Variants in ASXL3 observed in about 807,000 individuals in gnomAD.
ASXL3 encodes the protein ASXL transcriptional regulator 3.
Under a neutral mutation model 170.6 loss-of-function variants are expected in ASXL3, and 34 were observed. That is an observed-to-expected ratio of 0.20 (90% CI 0.15 to 0.27). ASXL3 has a LOEUF of 0.27. ASXL3 is among the 10% of genes least tolerant of loss of function. The probability of loss-of-function intolerance (pLI) is 1.00; values close to 1 mark genes in which losing one functional copy is unlikely to be tolerated. For synonymous variants in ASXL3, 1,002 were observed against 989.1 expected (o/e 1.01, Z -0.24); for missense variants, 2,592 against 2,695.3 (o/e 0.96, Z 0.85).
intron 2 of ASXL3, among the ~76,000 whole-genome samples, chr18:33,611,548 A>G (rs1221207352): frequency 2.0e-5 from 3 of 152,030 alleles, no homozygotes; most frequent in African/African-American, 4.8e-5. Context: ...GGCTTTTCAG[A>G]TGATTGGAAT....
In ASXL3 at chr18:33,744,113, C is replaced by A. The variant is rs532519039; in HGVS notation, c.4265C>A (p.Thr1422Lys). 27 of 1,614,020 alleles carry A rather than the reference C, an allele frequency of 1.7e-5. No homozygotes were observed. The East Asian group carries it at 6.0e-4, about 36-fold the overall frequency. The change falls in exon 12 of 12, where the codon ACA (threonine) becomes AAA (lysine). Residue 1422 changes from threonine to lysine, a missense_variant. By Grantham distance (78) the Thr-to-Lys change is moderately conservative. Around this residue, in one of 4 missense-constraint regions of ASXL3, gnomAD observed 2,246 missense variants for 2,219.6 expected, o/e 1.01. Transcript: ENST00000269197. ...GCAATGTTTACTGGAAACATGCTGA[C>A]AATAAACTCTTATGATAGTCCTCCC... ...TVAMFTGNML[T>K]INSYDSPPKL... is the part of the protein sequence containing the mutation.
chr18:33,645,734 A>G (rs2065905651), intron 3 of ASXL3, among the ~76,000 whole-genome samples: 1 of 143,558 alleles, frequency 7.0e-6, no homozygotes, highest in South Asian at 2.3e-4. Context: ...TTATATTTAA[A>G]GTTCATTAAC....
At chr18:33,648,849 C>T (rs2065954652) in intron 4 of ASXL3, among the ~76,000 whole-genome samples, 1 of 152,186 alleles carries the variant, frequency 6.6e-6, no homozygotes, top group South Asian at 2.1e-4. Flanking sequence ...GGTGAAGTGA[C>T]TCAAATGTGT....
Position 33,748,406 on chromosome 18 carries a change from A to G in ASXL3, c.*1811A>G, listed in dbSNP as rs148233888. ...TAACAAATTGCTGATAGTGAGAGGT[A>G]CTTTACTTTATCTTAGAAAGAAAGA... On this transcript the variant is annotated 3_prime_UTR_variant, in exon 12 of 12. Coordinates refer to ENST00000269197, the MANE Select transcript of ASXL3 (RefSeq NM_030632.3). 293 of 152,140 alleles carry G rather than the reference A, an allele frequency of 1.9e-3. No individual in the cohort carries two copies. The highest frequency in any genetic ancestry group is 6.3e-3 in the African/African-American group (260 of 41,536). 9.4% of individuals were successfully genotyped at this position (152,140 alleles called of 1,614,324 possible).
At chr18:33,664,615 G>T (rs2066228548) in intron 5 of ASXL3, among the ~76,000 whole-genome samples, 1 of 152,010 alleles carries the variant, frequency 6.6e-6, no homozygotes, top group African/African-American at 2.4e-5. Flanking sequence ...AATCATAAGT[G>T]GAGTAAAAAA....
intron 2 of ASXL3, among the ~76,000 whole-genome samples, chr18:33,635,049 G>C (rs759725884): frequency 6.6e-6 from 1 of 152,178 alleles, no homozygotes; most frequent in Admixed American, 6.5e-5. Context: ...AAATGAGTAG[G>C]AAGAGAGGAG....
At chr18:33,736,582 A>G (rs978848726) in intron 10 of ASXL3, among the ~76,000 whole-genome samples, 1 of 152,120 alleles carries the variant, frequency 6.6e-6, no homozygotes, top group Non-Finnish European at 1.5e-5. Context: ...GTGTCTAAAC[A>G]TTCATACTAG....
chr18:33,614,253 T>C (rs1230993365), intron 2 of ASXL3: 3 of 152,186 alleles, frequency 2.0e-5, no homozygotes, highest in African/African-American at 7.2e-5. Flanking sequence ...AATCATTTAT[T>C]TGTATTTCAA....
rs1021440559 is a variant in ASXL3 at position 33,748,499 on chromosome 18, T to C, written c.*1904T>C. The C allele has an allele frequency of 2.6e-5, 4 of 152,210 alleles. No individual in the cohort carries two copies. Among genetic ancestry groups the C allele is most frequent in the Non-Finnish European group, 5.9e-5 (4 of 68,032 alleles). 9.4% of individuals were successfully genotyped at this position (152,210 alleles called of 1,614,324 possible). ...GTCATTTCTGTTTTTCACAGTAAAA[T>C]TGGCAAAACTAATGACTGAGAAAGT... On this transcript the variant is annotated 3_prime_UTR_variant, in exon 12 of 12. Transcript: ENST00000269197.
chr18:33,715,731 A>G (rs943897707), intron 8 of ASXL3, among the ~76,000 whole-genome samples: 3 of 152,202 alleles, frequency 2.0e-5, no homozygotes, highest in African/African-American at 7.2e-5. Context: ...ATTTGCTTTT[A>G]TTACTTATGA....
At chr18:33,639,485 A>G (rs370551479) in intron 2 of ASXL3, among the ~76,000 whole-genome samples, 1 of 152,130 alleles carries the variant, frequency 6.6e-6, no homozygotes, top group Admixed American at 6.5e-5. Context: ...CATGTTCTTT[A>G]CTAGATGTCT....
chr18:33,747,403 G>A lies in ASXL3; in HGVS notation c.*808G>A, dbSNP rs1490875557. On this transcript the variant is annotated 3_prime_UTR_variant, in exon 12 of 12. Coordinates refer to ENST00000269197, the MANE Select transcript of ASXL3 (RefSeq NM_030632.3). ...TTAGAGCTTCATGTGTGGCTTTTAAGAGCAGGTTTGAAAAAAAAAAAAAAA... is the reference window on the plus strand; with the variant it reads ...TTAGAGCTTCATGTGTGGCTTTTAAAAGCAGGTTTGAAAAAAAAAAAAAAA... 2 of 143,590 alleles carry A rather than the reference G, an allele frequency of 1.4e-5. No individual in the cohort carries two copies. The highest frequency in any genetic ancestry group is 2.6e-5 in the African/African-American group (1 of 38,488). 8.9% of individuals were successfully genotyped at this position (143,590 alleles called of 1,614,324 possible). A position where few individuals can be genotyped will look rare whatever the true frequency, so the allele number is the denominator to read the frequency against.
chr18:33,581,472 A>AGAGTGTGTGTGT (rs1555715411), intron 1 of ASXL3, among the ~76,000 whole-genome samples: 3 of 145,206 alleles, frequency 2.1e-5, no homozygotes, highest in African/African-American at 7.6e-5. Flanking sequence ...TGCTGGAGTG[A>AGAGTGTGTGTGT]GTGTGTGTGT....
Position 33,744,271 on chromosome 18 carries a change from G to A in ASXL3, c.4423G>A (p.Val1475Ile), listed in dbSNP as rs771605317. The A allele has an allele frequency of 1.5e-5, 24 of 1,613,892 alleles. No homozygotes were observed. The highest frequency in any genetic ancestry group is 5.0e-5 in the Admixed American group (3 of 60,004). The change falls in exon 12 of 12, where the codon GTT becomes ATT. Residue 1475 changes from valine (V) to isoleucine (I), a missense_variant. By Grantham distance (29) the Val-to-Ile change is conservative (BLOSUM62 3). Coordinates refer to ENST00000269197, the MANE Select transcript of ASXL3 (RefSeq NM_030632.3). The stretch of plus-strand genomic sequence containing the variant: ...CCGATCAATTCCGTGTAAAGTCATC[G>A]TTGACCACAGCACCACGCTGACCTC... ...INRSIPCKVI[V>I]DHSTTLTSSL...
chr18:33,633,581 T>A (rs1363044248), intron 2 of ASXL3, among the ~76,000 whole-genome samples: 1 of 152,124 alleles, frequency 6.6e-6, no homozygotes, highest in Non-Finnish European at 1.5e-5. Flanking sequence ...CGGTGGCTCA[T>A]GCCTGTAATC....
chr18:33,630,861 AT>A (rs2065666658), intron 2 of ASXL3, among the ~76,000 whole-genome samples: 1 of 151,994 alleles, frequency 6.6e-6, no homozygotes, highest in African/African-American at 2.4e-5. Flanking sequence ...TCAACATGTA[AT>A]TTTTTTACAT....
intron 1 of ASXL3, among the ~76,000 whole-genome samples, chr18:33,588,871 A>T (rs1599372044): frequency 6.6e-6 from 1 of 152,052 alleles, no homozygotes; most frequent in Non-Finnish European, 1.5e-5. Context: ...CAGTAAAGCC[A>T]CCACCATTTC....
chr18:33,628,409 G>A lies in ASXL3; in HGVS notation c.138-16485G>A, dbSNP rs569157705. Among the ~76,000 whole-genome samples the A allele has an allele frequency of 2.0e-5, 3 of 152,064 alleles. No homozygotes were observed. The South Asian group carries it at 6.2e-4, about 32-fold the overall frequency. Reference sequence around the variant, plus strand: ...AACCAAGGAGGAAATGAGAGACATAGGAATGTATTAGGATAATGTTGATTT... The same window carrying A: ...AACCAAGGAGGAAATGAGAGACATAAGAATGTATTAGGATAATGTTGATTT... On this transcript the variant is annotated intron_variant, in intron 2 of 11. Coordinates refer to ENST00000269197, the MANE Select transcript of ASXL3 (RefSeq NM_030632.3).
chr18:33,731,035 A>C (rs908653150), intron 8 of ASXL3, among the ~76,000 whole-genome samples: 1 of 152,158 alleles, frequency 6.6e-6, no homozygotes, highest in Non-Finnish European at 1.5e-5. Context: ...GCTGGCTTTG[A>C]TTAGACATTA....
Sources: gnomAD v4.1 joint callset for allele counts (sites outside exome capture counted in the v4.1 genomes callset) on GRCh38, gnomAD v4.1.1 for gene constraint, gnomAD v4.1.1 regional missense constraint, MANE v1.5 for transcripts, NCBI Gene and HGNC (gene_info 2026-07-23, HGNC 2026-07-21) for gene names.